Variants in RYR2 observed in about 807,000 individuals in gnomAD.
RYR2 encodes the protein cardiac muscle ryanodine receptor-calcium release channel.
In RYR2, 227 loss-of-function variants were observed where a neutral mutation model predicts 601.1. The ratio of observed to expected loss-of-function variants is 0.38; its 90% CI spans 0.34 to 0.42. RYR2 has a LOEUF of 0.42. Ranked by LOEUF, RYR2 falls within the 10% of genes least tolerant of loss-of-function variation. The pLI, the probability that RYR2 is intolerant of heterozygous loss-of-function variation, is 1.00. For synonymous variants in RYR2, 2,223 were observed against 2,175.1 expected (o/e 1.02, Z -0.61); for missense variants, 4,646 against 6,156.5 (o/e 0.75, Z 8.21).
chr1:237,819,115 A>T lies in RYR2; in HGVS notation c.14513A>T (p.Glu4838Val). Residue 4838 changes from glutamate to valine, a missense_variant, in exon 101 of 105, where the codon GAA becomes GTA. This residue lies in a region of RYR2 where 55 missense variants were observed against 204.7 expected (regional missense o/e 0.27). Coordinates refer to ENST00000366574, the MANE Select transcript of RYR2 (RefSeq NM_001035.3). The surrounding 1 kb of genome is among the most constrained non-coding windows in gnomAD (Gnocchi z 4.0). ...GDEIEDPAGD[E>V]YEIYRIIFDI... ...GAAATCGAAGACCCAGCAGGAGATG[A>T]ATATGAGATCTATCGAATCATCTTT... 1.2e-6 allele frequency: 2 copies of T among 1,613,756 alleles called. No individual in the cohort carries two copies. The highest frequency in any genetic ancestry group is 1.7e-6 in the Non-Finnish European group (2 of 1,179,670).
At chr1:237,397,538 T>C (rs2149907127) in intron 10 of RYR2, among the ~76,000 whole-genome samples, 1 of 152,240 alleles carries the variant, frequency 6.6e-6, no homozygotes, top group South Asian at 2.1e-4. Flanking sequence ...AGGTCATAAG[T>C]GGGTTCAAAG....
intron 36 of RYR2, among the ~76,000 whole-genome samples, chr1:237,611,973 A>G (rs1677919880): frequency 6.6e-6 from 1 of 152,184 alleles, no homozygotes; most frequent in African/African-American, 2.4e-5. Context: ...CTTGTACATG[A>G]ATATTCATAG....
At chr1:237,383,493 G>C (rs546017894) in intron 8 of RYR2, among the ~76,000 whole-genome samples, 1 of 122,434 alleles carries the variant, frequency 8.2e-6, no homozygotes, top group African/African-American at 3.1e-5. Flanking sequence ...ACAGGGGCAC[G>C]ATCTCGGCTC....
In RYR2 at chr1:237,614,982, AACTT is replaced by A. The variant is rs1478403894; in HGVS notation, c.5715+140_5715+143del. ...ATGGTAGTTCTTCATAAAATTAACT[AACTT>A]CCTATTCTTTTCCCTCTTATTCATT... is the stretch of plus-strand genomic sequence containing the variant. On this transcript the variant is annotated intron_variant, in intron 37 of 104. Transcript: ENST00000366574. The surrounding 1 kb of genome is among the most constrained non-coding windows in gnomAD (Gnocchi z 4.3). The A allele has an allele frequency of 1.1e-6, 1 of 880,114 alleles. No individual in the cohort carries two copies. Among genetic ancestry groups the A allele is most frequent in the Non-Finnish European group, 1.7e-6 (1 of 595,968 alleles). 54.5% of individuals were successfully genotyped at this position (880,114 alleles called of 1,614,324 possible). A position where few individuals can be genotyped will look rare whatever the true frequency, so the allele number is the denominator to read the frequency against.
chr1:237,053,225 C>G (rs924117508), intron 1 of RYR2, among the ~76,000 whole-genome samples: 3 of 152,184 alleles, frequency 2.0e-5, no homozygotes, highest in African/African-American at 4.8e-5. Context: ...TTTCCAAGGC[C>G]AATGCCCACA....
intron 1 of RYR2, among the ~76,000 whole-genome samples, chr1:237,178,416 CTGTGTGTGTGTGTGTGTGTGTG>C (rs201867544): frequency 1.4e-3 from 181 of 129,786 alleles, no homozygotes; most frequent in African/African-American, 2.0e-3. Flanking sequence ...AGTTAAGGCT[CTGTGTGTGTGTGTGTGTGTGTG>C]TGTGTGTGTG....
chr1:237,791,775 A>G (rs1479011138), intron 93 of RYR2: 4 of 555,704 alleles, frequency 7.2e-6, no homozygotes, highest in Non-Finnish European at 9.5e-6. Context: ...ATTTAGCTGA[A>G]TATCTTATTT....
chr1:237,568,305 G>A lies in RYR2; in HGVS notation c.3424-840G>A, dbSNP rs553929054. 9.9e-5 allele frequency among the ~76,000 whole-genome samples: 15 copies of A among 152,226 alleles called. No individual in the cohort carries two copies. The East Asian group carries it at 2.5e-3, about 25-fold the overall frequency. ...AGAATTATGTCATTGCTTTGCATTG[G>A]CGACTCTGTCTGGTAACGTACCGAT... On this transcript the variant is annotated intron_variant, in intron 28 of 104. Transcript: ENST00000366574.
chr1:237,526,999 C>T (rs1040592217), intron 24 of RYR2, among the ~76,000 whole-genome samples: 1 of 152,168 alleles, frequency 6.6e-6, no homozygotes, highest in Non-Finnish European at 1.5e-5. Flanking sequence ...GATAGAGGTG[C>T]AATTTCATTC....
intron 1 of RYR2, among the ~76,000 whole-genome samples, chr1:237,125,423 TAAA>T (rs35773659): frequency 3.1e-5 from 4 of 130,126 alleles, no homozygotes; most frequent in Admixed American, 7.8e-5. Context: ...GCTGTTTTGC[TAAA>T]AAAAAAAAAA....
intron 96 of RYR2, 107 bp from the exon 97 acceptor site, chr1:237,797,930 G>C (rs1388563737): frequency 9.5e-7 from 1 of 1,047,688 alleles, no homozygotes; most frequent in African/African-American, 1.7e-5. Flanking sequence ...GTGATTGTTA[G>C]GGCAAATATA....
At chr1:237,047,389 C>CTTTTTTTTTTTTTTTT (rs3056166) in intron 1 of RYR2, among the ~76,000 whole-genome samples, 1 of 123,716 alleles carries the variant, frequency 8.1e-6, no homozygotes, top group Non-Finnish European at 1.6e-5. Context: ...CCTTTCTAGC[C>CTTTTTTTTTTTTTTTT]TTTTTTTTTT....
chr1:237,360,037 G>A (rs1029829232), intron 4 of RYR2, among the ~76,000 whole-genome samples: 5 of 152,166 alleles, frequency 3.3e-5, no homozygotes, highest in Non-Finnish European at 7.4e-5. Context: ...TGATGCTGTT[G>A]TAATTGTTAA....
At chr1:237,382,417 TGC>T (rs1701595680) in intron 8 of RYR2, among the ~76,000 whole-genome samples, 1 of 152,200 alleles carries the variant, frequency 6.6e-6, no homozygotes, top group African/African-American at 2.4e-5. Flanking sequence ...AGGGTACATG[TGC>T]ACAACGTGCA....
At chr1:237,330,788 T>C (rs1455103826) in intron 2 of RYR2, 90 bp from the exon 3 acceptor site, 3 of 929,274 alleles carry the variant, frequency 3.2e-6, no homozygotes, top group East Asian at 4.9e-5. Flanking sequence ...ATACTGTTTC[T>C]ATGAAAGAAA....
intron 2 of RYR2, among the ~76,000 whole-genome samples, chr1:237,322,186 A>G (rs1695688772): frequency 2.0e-5 from 3 of 152,212 alleles, no homozygotes; most frequent in South Asian, 2.1e-4. Flanking sequence ...GACACCTGCA[A>G]ACAGTGAGAT....
intron 19 of RYR2, 91 bp downstream of exon 19, chr1:237,493,178 T>C (rs569578623): frequency 7.2e-7 from 1 of 1,395,508 alleles, no homozygotes; most frequent in South Asian, 1.2e-5. Flanking sequence ...GGTCTGTTTT[T>C]TAAATTAGAC....
At chr1:237,264,542 G>A (rs1285144704) in intron 1 of RYR2, among the ~76,000 whole-genome samples, 1 of 151,914 alleles carries the variant, frequency 6.6e-6, no homozygotes, top group Non-Finnish European at 1.5e-5. Flanking sequence ...CTGATTTAGT[G>A]GTATTAACTT....
chr1:237,112,955 T>A (rs959734998), intron 1 of RYR2, among the ~76,000 whole-genome samples: 1 of 152,174 alleles, frequency 6.6e-6, no homozygotes, highest in Non-Finnish European at 1.5e-5. Context: ...CATATAACTA[T>A]TTATTAAATA....
Sources: gnomAD v4.1 joint callset for allele counts (sites outside exome capture counted in the v4.1 genomes callset) on GRCh38, gnomAD v4.1.1 for gene constraint, gnomAD v4.1.1 regional missense constraint, Gnocchi (gnomAD v3.1) non-coding constraint, MANE v1.5 for transcripts, NCBI Gene and HGNC (gene_info 2026-07-23, HGNC 2026-07-21) for gene names.